Variants in ARL15 observed in about 807,000 individuals in gnomAD.
The protein encoded by ARL15 is ADP-ribosylation factor-like protein 15.
In ARL15, 19 loss-of-function variants were observed where a neutral mutation model predicts 25.2. The observed-to-expected ratio is 0.75, with a 90% CI of 0.53 to 1.10. ARL15 has a LOEUF of 1.10. Among genes scored for constraint, ARL15 ranks in the 50% least tolerant of loss-of-function variants. ARL15 has a pLI of 0.00. For missense variants in ARL15, 220 were observed against 246.0 expected, an observed-to-expected ratio of 0.89 and a Z score of 0.71; for synonymous variants, 94 against 86.8, an observed-to-expected ratio of 1.08 and a Z score of -0.46.
At chr5:54,025,363 T>C (rs1243411317) in intron 4 of ARL15, among the ~76,000 whole-genome samples, 2 of 148,686 alleles carry the variant, frequency 1.3e-5, no homozygotes, top group African/African-American at 5.0e-5. Context: ...GCAAACCTAA[T>C]ATCATGGCTT....
intron 1 of ARL15, among the ~76,000 whole-genome samples, chr5:54,230,888 GC>G (rs1415293477): frequency 3.3e-5 from 5 of 151,756 alleles, no homozygotes; most frequent in Non-Finnish European, 5.9e-5. Context: ...TGGTAGGTAA[GC>G]AAAAAAAATA....
chr5:53,956,434 A>T (rs1325598450), intron 4 of ARL15, among the ~76,000 whole-genome samples: 2 of 149,294 alleles, frequency 1.3e-5, no homozygotes, highest in Admixed American at 6.6e-5. Flanking sequence ...TGGTCCATTC[A>T]CAAAAGACCA....
At chr5:54,304,490 C>T (rs555252248) in intron 1 of ARL15, among the ~76,000 whole-genome samples, 94 of 152,204 alleles carry the variant, frequency 6.2e-4, no homozygotes, top group Non-Finnish European at 1.0e-3. Flanking sequence ...ATGCAAGCCC[C>T]TGGAGGGCAT....
At position 53,992,532 on chromosome 5, in the gene ARL15, A is replaced by G. The variant is rs1398272840; in HGVS notation, c.463-105819T>C. Among the ~76,000 whole-genome samples the G allele has an allele frequency of 4.6e-5, 7 of 152,360 alleles. No homozygotes were observed. In the East Asian group the frequency reaches 1.3e-3, roughly 29 times the overall value. ...CAAATGCATTTTTAAACTGTATTCC[A>G]TTAAATTTCACCTTTGCTTTCACAA... On this transcript the variant is annotated intron_variant, in intron 4 of 4. Coordinates refer to ENST00000504924, the MANE Select transcript of ARL15 (RefSeq NM_019087.3).
intron 4 of ARL15, among the ~76,000 whole-genome samples, chr5:54,047,711 A>C (rs540716476): frequency 6.6e-6 from 1 of 152,368 alleles, no homozygotes; most frequent in South Asian, 2.1e-4. Flanking sequence ...CACTGAAGTT[A>C]CACTGAATTA....
chr5:53,977,131 G>A (rs1747955176), intron 4 of ARL15, among the ~76,000 whole-genome samples: 1 of 152,066 alleles, frequency 6.6e-6, no homozygotes, highest in Non-Finnish European at 1.5e-5. Flanking sequence ...GGCCGAGGCG[G>A]GCGGATCACA....
chr5:54,308,224 G>A (rs935984475), intron 1 of ARL15, among the ~76,000 whole-genome samples: 1 of 152,158 alleles, frequency 6.6e-6, no homozygotes, highest in Non-Finnish European at 1.5e-5. Context: ...TTTCCATCCA[G>A]TTTAATGCTA....
intron 4 of ARL15, among the ~76,000 whole-genome samples, chr5:54,081,903 C>A (rs1306349792): frequency 6.6e-6 from 1 of 151,936 alleles, no homozygotes; most frequent in African/African-American, 2.4e-5. Context: ...ACCAGTCTGG[C>A]CAACATAGCG....
chr5:54,103,968 T>C (rs747218565), intron 4 of ARL15, among the ~76,000 whole-genome samples: 23 of 152,232 alleles, frequency 1.5e-4, no homozygotes, highest in Non-Finnish European at 2.6e-4. Flanking sequence ...ATTATGAACA[T>C]TGCTGGTTCC....
At chr5:53,970,590 CT>C (rs573501450) in intron 4 of ARL15, among the ~76,000 whole-genome samples, 4 of 152,234 alleles carry the variant, frequency 2.6e-5, no homozygotes, top group African/African-American at 9.6e-5. Flanking sequence ...GACACAGTTG[CT>C]TGGTTTTACC....
At chr5:54,107,078 G>T (rs150708030) in intron 4 of ARL15, among the ~76,000 whole-genome samples, 4 of 152,088 alleles carry the variant, frequency 2.6e-5, no homozygotes, top group Non-Finnish European at 5.9e-5. Flanking sequence ...TCAGAATCAC[G>T]GTGGGAGGTG....
At chr5:54,107,457 A>G (rs2112199481) in intron 4 of ARL15, among the ~76,000 whole-genome samples, 1 of 152,262 alleles carries the variant, frequency 6.6e-6, no homozygotes, top group Admixed American at 6.5e-5. Context: ...GATTATTAAT[A>G]TTAGAAGGTT....
At chr5:53,955,480 T>TA (rs1277839521) in intron 4 of ARL15, among the ~76,000 whole-genome samples, 2 of 152,174 alleles carry the variant, frequency 1.3e-5, no homozygotes, top group Non-Finnish European at 2.9e-5. Context: ...TTCTAAAACT[T>TA]ACAATTTAAA....
In ARL15 at chr5:54,221,140, T is replaced by C. The variant is rs534218348; in HGVS notation, c.49-49212A>G. Among the ~76,000 whole-genome samples the C allele has an allele frequency of 3.3e-5, 5 of 152,320 alleles. No homozygotes were observed. In the South Asian group the frequency reaches 6.2e-4, roughly 19 times the overall value. ...CATATACGAGAATTTTGTGTTCACT[T>C]TTAATTTTCTTGCTAGTTAAGAACA... On this transcript the variant is annotated intron_variant, in intron 1 of 4. Coordinates refer to ENST00000504924, the MANE Select transcript of ARL15 (RefSeq NM_019087.3).
chr5:54,229,327 G>T (rs1390508577), intron 1 of ARL15, among the ~76,000 whole-genome samples: 1 of 152,114 alleles, frequency 6.6e-6, no homozygotes, highest in Non-Finnish European at 1.5e-5. Flanking sequence ...CCTTGAGATG[G>T]TAATAGTCAA....
At chr5:53,951,807 T>G (rs1746974836) in intron 4 of ARL15, among the ~76,000 whole-genome samples, 1 of 151,662 alleles carries the variant, frequency 6.6e-6, no homozygotes, top group African/African-American at 2.4e-5. Context: ...AGCTACCACA[T>G]TATATATTTT....
chr5:53,907,639 A>G (rs1745315147), intron 4 of ARL15, among the ~76,000 whole-genome samples: 1 of 149,856 alleles, frequency 6.7e-6, no homozygotes, highest in African/African-American at 2.5e-5. Context: ...CTGAGACTAC[A>G]GGCGCCCTCC....
At chr5:54,221,092 T>C (rs1381987495) in intron 1 of ARL15, among the ~76,000 whole-genome samples, 7 of 152,220 alleles carry the variant, frequency 4.6e-5, no homozygotes, top group Non-Finnish European at 1.0e-4. Flanking sequence ...ACCTTTTATC[T>C]TCAATCTGTA....
intron 4 of ARL15, among the ~76,000 whole-genome samples, chr5:54,018,027 C>T (rs1325735135): frequency 6.6e-6 from 1 of 151,862 alleles, no homozygotes. Flanking sequence ...TTAGAAGTAC[C>T]GAAATACCCA....
Sources: allele counts gnomAD v4.1 joint callset (sites outside exome capture counted in the v4.1 genomes callset), GRCh38; gene constraint gnomAD v4.1.1; transcripts MANE v1.5; gene names NCBI Gene and HGNC (gene_info 2026-07-23, HGNC 2026-07-21).